Variants in PDZD2 observed in about 807,000 individuals in gnomAD.
PDZD2 encodes PDZ domain-containing protein 2.
Under a neutral mutation model 220.7 loss-of-function variants are expected in PDZD2, and 90 were observed. That is an observed-to-expected ratio of 0.41 (90% CI 0.34 to 0.49). The LOEUF is 0.49. PDZD2 is among the 20% of genes least tolerant of loss of function. The pLI, the probability that PDZD2 is intolerant of heterozygous loss-of-function variation, is 0.28. For synonymous variants in PDZD2, 1,375 were observed against 1,450.5 expected (o/e 0.95, Z 1.18); for missense variants, 3,174 against 3,608.5 (o/e 0.88, Z 3.08).
At chr5:31,781,895 G>C (rs1753080128) in intron 1 of PDZD2, among the ~76,000 whole-genome samples, 1 of 152,108 alleles carries the variant, frequency 6.6e-6, no homozygotes, top group South Asian at 2.1e-4. Context: ...AAGGCAGCTG[G>C]GCTGTGAGGA....
Position 32,000,041 on chromosome 5 carries a change from C to A in PDZD2, c.1122-98C>A. ...AGTATCCTCTTTAGCCCAATCTTAACCGTCCCTCCTCACAACCCTCCCTAG... is the reference window on the plus strand; with the variant it reads ...AGTATCCTCTTTAGCCCAATCTTAAACGTCCCTCCTCACAACCCTCCCTAG... On this transcript the variant is annotated intron_variant, in intron 4 of 24. Transcript: ENST00000438447. This position sits in a 1 kb window ranked among gnomAD's most constrained non-coding sequence, Gnocchi z 4.5. The A allele has an allele frequency of 9.7e-7, 1 of 1,027,966 alleles. No homozygotes were observed. The highest frequency in any genetic ancestry group is 1.5e-6 in the Non-Finnish European group (1 of 682,436). 63.7% of individuals were successfully genotyped at this position (1,027,966 alleles called of 1,614,324 possible).
At chr5:31,640,752 C>T (rs1368860921) in intron 1 of PDZD2, among the ~76,000 whole-genome samples, 2 of 151,966 alleles carry the variant, frequency 1.3e-5, no homozygotes, top group East Asian at 3.9e-4. Context: ...GAACACACCC[C>T]TGGCTGTAGG....
chr5:31,840,963 G>T, intron 2 of PDZD2: 1 of 447,608 alleles, frequency 2.2e-6, no homozygotes, highest in Non-Finnish European at 4.0e-6. Flanking sequence ...TTCTCTTTGT[G>T]TTTCTCATTT....
intron 2 of PDZD2, among the ~76,000 whole-genome samples, chr5:31,846,793 C>T (rs1320997357): frequency 6.6e-6 from 1 of 152,186 alleles, no homozygotes; most frequent in Admixed American, 6.5e-5. Flanking sequence ...GGTCGGGGAT[C>T]TTCTCCTGGG....
intron 2 of PDZD2, among the ~76,000 whole-genome samples, chr5:31,869,423 C>T (rs547879302): frequency 1.6e-4 from 24 of 152,190 alleles, no homozygotes; most frequent in Middle Eastern, 6.8e-3. Flanking sequence ...ATTAGCCGGG[C>T]GTGGTGGCGG....
At chr5:31,681,637 A>G (rs1004009712) in intron 1 of PDZD2, among the ~76,000 whole-genome samples, 2 of 151,966 alleles carry the variant, frequency 1.3e-5, no homozygotes, top group African/African-American at 4.8e-5. Context: ...TCCTGTCAAC[A>G]CCTCTCCTAC....
intron 1 of PDZD2, among the ~76,000 whole-genome samples, chr5:31,729,348 C>T (rs780861130): frequency 6.6e-5 from 10 of 152,054 alleles, no homozygotes; most frequent in Admixed American, 5.9e-4. Flanking sequence ...CCACCCGCCT[C>T]GGCCTCCCAA....
At chr5:31,966,505 A>C (rs1302748514) in intron 2 of PDZD2, among the ~76,000 whole-genome samples, 1 of 152,206 alleles carries the variant, frequency 6.6e-6, no homozygotes, top group African/African-American at 2.4e-5. Context: ...GTCTGAATAT[A>C]ACTGAGAACC....
Position 31,689,349 on chromosome 5 carries a change from A to T in PDZD2, c.-361+49912A>T, listed in dbSNP as rs1357421631. 5.8e-4 allele frequency among the ~76,000 whole-genome samples: 16 copies of T among 27,822 alleles called. 1 individual carries two copies. Among genetic ancestry groups the T allele is most frequent in the African/African-American group, 2.5e-3 (10 of 4,042 alleles). 18.3% of individuals were successfully genotyped at this position (27,822 alleles called of 152,430 possible). On this transcript the variant is annotated intron_variant, in intron 1 of 24. Coordinates refer to ENST00000438447, the MANE Select transcript of PDZD2 (RefSeq NM_178140.4). The stretch of plus-strand genomic sequence containing the variant: ...TATATACATATACATATATATATAT[A>T]TATATTTTTTTTTTTTTTTTTTTTA...
intron 2 of PDZD2, among the ~76,000 whole-genome samples, chr5:31,896,654 G>T (rs1302012489): frequency 3.9e-5 from 6 of 152,162 alleles, no homozygotes; most frequent in Non-Finnish European, 8.8e-5. Context: ...AATTGTGTGT[G>T]TTACAATAAT....
chr5:31,677,584 C>G (rs578160600), intron 1 of PDZD2, among the ~76,000 whole-genome samples: 1,136 of 3,216 alleles, frequency 0.35, 547 homozygotes, highest in Non-Finnish European at 0.77. Flanking sequence ...CCACTGCACT[C>G]CAGCCTGGGC....
chr5:32,001,737 G>C (rs192520726), intron 5 of PDZD2, among the ~76,000 whole-genome samples: 1 of 152,180 alleles, frequency 6.6e-6, no homozygotes, highest in African/African-American at 2.4e-5. Flanking sequence ...GTTGACCTCT[G>C]GTGTGTCTGA....
At chr5:32,003,148 CACACCACCAACACACACACCACACACCAT>C (rs1287388897) in intron 5 of PDZD2, among the ~76,000 whole-genome samples, 3 of 18,954 alleles carry the variant, frequency 1.6e-4, no homozygotes, top group East Asian at 1.6e-3. Flanking sequence ...ACACACACCA[CACACCACCAACACACACACCACACACCAT>C]ACACCACACA....
intron 2 of PDZD2, among the ~76,000 whole-genome samples, chr5:31,889,112 TC>T (rs773056048): frequency 8.5e-4 from 129 of 152,330 alleles, no homozygotes; most frequent in Admixed American, 1.6e-3. Flanking sequence ...CAGAGCCTTT[TC>T]CTCTTAATGC....
At chr5:32,102,984 TA>T (rs1364864141) in intron 24 of PDZD2, among the ~76,000 whole-genome samples, 1 of 151,762 alleles carries the variant, frequency 6.6e-6, no homozygotes, top group Non-Finnish European at 1.5e-5. Context: ...TGAGTAAAAG[TA>T]AAAAATAGAC....
chr5:31,749,604 A>G (rs1750815354), intron 1 of PDZD2, among the ~76,000 whole-genome samples: 1 of 152,062 alleles, frequency 6.6e-6, no homozygotes, highest in Non-Finnish European at 1.5e-5. Flanking sequence ...TTGTATTTTC[A>G]GTAGAGACAG....
At chr5:31,831,646 G>A (rs1042962119) in intron 2 of PDZD2, among the ~76,000 whole-genome samples, 5 of 152,142 alleles carry the variant, frequency 3.3e-5, no homozygotes, top group South Asian at 2.1e-4. Context: ...TACTTGGGAG[G>A]CTGAGGCAGG....
Position 32,000,479 on chromosome 5 carries a change from G to GTTTGTTTTTGTTTTTGTT in PDZD2, c.1254+236_1254+253dup, listed in dbSNP as rs140415640. ...TTAGTTACTTGGCTTTCCTTAAGAA[G>GTTTGTTTTTGTTTTTGTT]TTTGTTTTTGTTTTTGTTTTTGTTT... is the stretch of plus-strand genomic sequence containing the variant. On this transcript the variant is annotated intron_variant, in intron 5 of 24. Transcript: ENST00000438447. This position sits in a 1 kb window ranked among gnomAD's most constrained non-coding sequence, Gnocchi z 4.5. Among the ~76,000 whole-genome samples the GTTTGTTTTTGTTTTTGTT allele has an allele frequency of 6.7e-6, 1 of 150,246 alleles. No homozygotes were observed. The highest frequency in any genetic ancestry group is 6.6e-5 in the Admixed American group (1 of 15,050).
At chr5:31,985,186 C>T (rs995195831) in intron 3 of PDZD2, among the ~76,000 whole-genome samples, 2 of 151,364 alleles carry the variant, frequency 1.3e-5, no homozygotes, top group African/African-American at 4.9e-5. Flanking sequence ...TAATGTGTTT[C>T]TTATCAGTGC....
Sources: gnomAD v4.1 joint callset for allele counts (sites outside exome capture counted in the v4.1 genomes callset) on GRCh38, gnomAD v4.1.1 for gene constraint, Gnocchi (gnomAD v3.1) non-coding constraint, MANE v1.5 for transcripts, NCBI Gene and HGNC (gene_info 2026-07-23, HGNC 2026-07-21) for gene names.